Variants in SRD5A3 observed in about 807,000 individuals in gnomAD.
SRD5A3 encodes the protein polyprenal reductase.
SRD5A3 carries 24 observed loss-of-function variants against 34.3 expected under a neutral mutation model. The observed-to-expected ratio is 0.70, with a 90% CI of 0.51 to 0.99. SRD5A3 has a LOEUF of 0.99. Ranked by LOEUF, SRD5A3 falls within the 50% of genes least tolerant of loss-of-function variation. The pLI is 0.00. For missense variants in SRD5A3, 350 were observed against 388.2 expected (o/e 0.90, Z 0.83); for synonymous variants, 161 against 167.3 (o/e 0.96, Z 0.29).
At chr4:55,353,684 G>C (rs906701026) in intron 1 of SRD5A3, among the ~76,000 whole-genome samples, 4 of 151,908 alleles carry the variant, frequency 2.6e-5, no homozygotes, top group Non-Finnish European at 4.4e-5. Context: ...GCGAGACCAC[G>C]AACCCACCTG....
intron 1 of SRD5A3, among the ~76,000 whole-genome samples, chr4:55,356,000 A>ATTTTTTTTTTTTTTTTT (rs10648522): frequency 2.4e-4 from 18 of 74,264 alleles, no homozygotes; most frequent in Non-Finnish European, 2.8e-4. Context: ...TTTTGCCTCC[A>ATTTTTTTTTTTTTTTTT]TTTTTTTTTT....
intron 4 of SRD5A3, among the ~76,000 whole-genome samples, chr4:55,368,355 G>C (rs1031930123): frequency 1.4e-5 from 2 of 142,918 alleles, no homozygotes; most frequent in African/African-American, 5.2e-5. Flanking sequence ...CTCCAGCTTG[G>C]GTGACAGAGC....
In SRD5A3 at chr4:55,346,333, G is replaced by A. The variant is rs1341154383; in HGVS notation, c.-4G>A. 3.4e-6 allele frequency: 5 copies of A among 1,477,924 alleles called. No homozygotes were observed. In the African/African-American group the frequency reaches 5.9e-5, roughly 17 times the overall value. 91.6% of individuals were successfully genotyped at this position (1,477,924 alleles called of 1,614,324 possible). A position where few individuals can be genotyped will look rare whatever the true frequency, so the allele number is the denominator to read the frequency against. On this transcript the variant is annotated 5_prime_UTR_variant, in exon 1 of 5. Coordinates refer to ENST00000264228, the MANE Select transcript of SRD5A3 (RefSeq NM_024592.5). ...CAGCAGCGCGGAAGGCGGGCACGCG[G>A]GCCATGGCTCCCTGGGCGGAGGCCG...
At chr4:55,359,147 G>A (rs1719581808) in intron 1 of SRD5A3, 199 bp from the exon 2 acceptor site, 2 of 637,696 alleles carry the variant, frequency 3.1e-6, no homozygotes, top group Non-Finnish European at 5.3e-6. Context: ...TCTTTTTCCT[G>A]AAAGTTAACT....
chr4:55,365,458 C>T (rs1719852927), intron 3 of SRD5A3: 1 of 152,258 alleles, frequency 6.6e-6, no homozygotes, highest in African/African-American at 2.4e-5. Context: ...ACTTATTCCT[C>T]CCAGGCATGT....
At position 55,369,844 on chromosome 4, in the gene SRD5A3, A is replaced by G; in HGVS notation, c.710A>G (p.His237Arg). 1.9e-6 allele frequency: 3 copies of G among 1,614,076 alleles called. No homozygotes were observed. Among genetic ancestry groups the G allele is most frequent in the Non-Finnish European group, 2.5e-6 (3 of 1,180,006 alleles). The change falls in exon 5 of 5, where the codon CAC (histidine) becomes CGC (arginine). Residue 237 changes from histidine (H) to arginine (R), a missense_variant. By Grantham distance (29) the His-to-Arg change is conservative. This residue lies in a region of SRD5A3 where 186 missense variants were observed against 221.4 expected (regional missense o/e 0.84). Coordinates refer to ENST00000264228, the MANE Select transcript of SRD5A3 (RefSeq NM_024592.5). ...TTTACCCTTTCAGGAGTGGTCATTC[A>G]CTGTAACCACAGGATCCCATTTGGA... is the stretch of plus-strand genomic sequence containing the variant. ...LRKNKAGVVI[H>R]CNHRIPFGDW...
At chr4:55,346,792 G>A (rs1437675045) in intron 1 of SRD5A3, among the ~76,000 whole-genome samples, 1 of 152,216 alleles carries the variant, frequency 6.6e-6, no homozygotes, top group Non-Finnish European at 1.5e-5. Context: ...GAGCGGAGCC[G>A]CTTGCACTCA....
chr4:55,359,430 A>C lies in SRD5A3; in HGVS notation c.306A>C (p.Ala102=). Residue 102 remains alanine (A), a synonymous_variant, in exon 2 of 5, where the codon GCA becomes GCC. Transcript: ENST00000264228. ...WCLTQSLFLG[A]PFPSWLHGLL... Reference sequence around the variant, plus strand: ...TTACTCAATCTCTGTTCCTGGGAGCACCTTTTCCAAGCTGGCTTCATGGTT... The same window carrying C: ...TTACTCAATCTCTGTTCCTGGGAGCCCCTTTTCCAAGCTGGCTTCATGGTT... 6.2e-7 allele frequency: 1 copy of C among 1,612,384 alleles called. No homozygotes were observed. Among genetic ancestry groups the C allele is most frequent in the Non-Finnish European group, 8.5e-7 (1 of 1,179,684 alleles).
Position 55,372,982 on chromosome 4 carries a change from G to T in SRD5A3, c.*2891G>T, listed in dbSNP as rs1720178462. On this transcript the variant is annotated 3_prime_UTR_variant, in exon 5 of 5. Transcript: ENST00000264228. ...AGATATTTTTGTATGTAGCTTAATAGATATTTAGTTTAAGGAGACTGCAAC... is the reference window on the plus strand; with the variant it reads ...AGATATTTTTGTATGTAGCTTAATATATATTTAGTTTAAGGAGACTGCAAC... 1 of 150,152 alleles carries T rather than the reference G, an allele frequency of 6.7e-6. No homozygotes were observed. The highest frequency in any genetic ancestry group is 1.5e-5 in the Non-Finnish European group (1 of 67,798). The allele number at this position is 150,152 out of a possible 1,614,324, so 9.3% of individuals were successfully genotyped here.
chr4:55,368,066 A>C (rs956078124), intron 4 of SRD5A3, among the ~76,000 whole-genome samples: 8 of 152,170 alleles, frequency 5.3e-5, no homozygotes, highest in African/African-American at 1.7e-4. Context: ...AGTTTCCATT[A>C]GGTTTTTTGA....
Position 55,372,219 on chromosome 4 carries a change from A to T in SRD5A3, c.*2128A>T, listed in dbSNP as rs1189258835. The T allele has an allele frequency of 6.6e-6, 1 of 152,154 alleles. No homozygotes were observed. The highest frequency in any genetic ancestry group is 1.5e-5 in the Non-Finnish European group (1 of 68,014). The allele number at this position is 152,154 out of a possible 1,614,324, so 9.4% of individuals were successfully genotyped here. On this transcript the variant is annotated 3_prime_UTR_variant, in exon 5 of 5. Coordinates refer to ENST00000264228, the MANE Select transcript of SRD5A3 (RefSeq NM_024592.5). Reference sequence around the variant, plus strand: ...AATTATTTGGAGAAAAATGTATTTTATTTTAGCATGCAATTTTATGCCCAG... The same window carrying T: ...AATTATTTGGAGAAAAATGTATTTTTTTTTAGCATGCAATTTTATGCCCAG...
chr4:55,367,531 T>C, intron 3 of SRD5A3, 57 bp from the exon 4 acceptor site: 1 of 1,598,010 alleles, frequency 6.3e-7, no homozygotes, highest in Non-Finnish European at 8.6e-7. Flanking sequence ...ATGATTTGTT[T>C]AATTCCCTGA....
At chr4:55,346,827 C>T (rs919232189) in intron 1 of SRD5A3, among the ~76,000 whole-genome samples, 1 of 152,222 alleles carries the variant, frequency 6.6e-6, no homozygotes, top group Non-Finnish European at 1.5e-5. Context: ...AACTGGTAGC[C>T]GCACGGAGCC....
chr4:55,370,217 C>T lies in SRD5A3; in HGVS notation c.*126C>T. On this transcript the variant is annotated 3_prime_UTR_variant, in exon 5 of 5. Transcript: ENST00000264228. Reference sequence around the variant, plus strand: ...AACTCTCCATTCCATTTCTATACCCCACAAGTTTTCACTGAATGAGCATGG... The same window carrying T: ...AACTCTCCATTCCATTTCTATACCCTACAAGTTTTCACTGAATGAGCATGG... The T allele has an allele frequency of 2.4e-6, 3 of 1,238,424 alleles. No homozygotes were observed. Among genetic ancestry groups the T allele is most frequent in the Non-Finnish European group, 2.3e-6 (2 of 860,596 alleles). The allele number at this position is 1,238,424 out of a possible 1,614,324, so 76.7% of individuals were successfully genotyped here.
Position 55,370,386 on chromosome 4 carries a change from C to A in SRD5A3, c.*295C>A. The A allele has an allele frequency of 7.2e-6, 3 of 414,116 alleles. No homozygotes were observed. Among genetic ancestry groups the A allele is most frequent in the Non-Finnish European group, 1.3e-5 (3 of 224,292 alleles). The allele number at this position is 414,116 out of a possible 1,614,324, so 25.7% of individuals were successfully genotyped here. A position where few individuals can be genotyped will look rare whatever the true frequency, so the allele number is the denominator to read the frequency against. On this transcript the variant is annotated 3_prime_UTR_variant, in exon 5 of 5. Transcript: ENST00000264228. ...AAGTAGATGAGACTTCTCCAAGCTGCTTCACAAGCAAACTAACCGAAAAAC... is the reference window on the plus strand; with the variant it reads ...AAGTAGATGAGACTTCTCCAAGCTGATTCACAAGCAAACTAACCGAAAAAC...
Position 55,371,176 on chromosome 4 carries a change from C to T in SRD5A3, c.*1085C>T, listed in dbSNP as rs1720114333. On this transcript the variant is annotated 3_prime_UTR_variant, in exon 5 of 5. Coordinates refer to ENST00000264228, the MANE Select transcript of SRD5A3 (RefSeq NM_024592.5). Reference sequence around the variant, plus strand: ...CAAGCCTTCGTGAACGGAAGTGACACACTCTGGATTGAATAATACTGTAGC... The same window carrying T: ...CAAGCCTTCGTGAACGGAAGTGACATACTCTGGATTGAATAATACTGTAGC... 1 of 152,188 alleles carries T rather than the reference C, an allele frequency of 6.6e-6. No individual in the cohort carries two copies. Among genetic ancestry groups the T allele is most frequent in the Non-Finnish European group, 1.5e-5 (1 of 68,034 alleles). 9.4% of individuals were successfully genotyped at this position (152,188 alleles called of 1,614,324 possible).
chr4:55,353,937 C>T (rs1001079338), intron 1 of SRD5A3, among the ~76,000 whole-genome samples: 6 of 152,196 alleles, frequency 3.9e-5, no homozygotes, highest in Admixed American at 6.5e-5. Context: ...CCAGAAGGAA[C>T]CAATTCTGGA....
At chr4:55,352,352 G>A (rs1719227663) in intron 1 of SRD5A3, 4 of 791,244 alleles carry the variant, frequency 5.1e-6, no homozygotes, top group Admixed American at 1.7e-5. Flanking sequence ...TCTGATCCCT[G>A]AGACTAAGCA....
At chr4:55,346,743 C>T (rs988283878) in intron 1 of SRD5A3, among the ~76,000 whole-genome samples, 186 bp downstream of exon 1, 2 of 152,170 alleles carry the variant, frequency 1.3e-5, no homozygotes, top group African/African-American at 4.8e-5. Flanking sequence ...CTGCGTGGCT[C>T]CGGGGAGCAG....
Sources: gnomAD v4.1 joint callset for allele counts (sites outside exome capture counted in the v4.1 genomes callset) on GRCh38, gnomAD v4.1.1 for gene constraint, gnomAD v4.1.1 regional missense constraint, MANE v1.5 for transcripts, NCBI Gene and HGNC (gene_info 2026-07-23, HGNC 2026-07-21) for gene names.